Variants in FSTL5 observed in about 807,000 individuals in gnomAD.
FSTL5 encodes follistatin-related protein 5.
FSTL5 carries 62 observed loss-of-function variants against 89.1 expected under a neutral mutation model. The observed-to-expected ratio is 0.70, with a 90% confidence interval of 0.57 to 0.86. The LOEUF (loss-of-function observed/expected upper bound fraction) is 0.86, where lower values mean the gene tolerates loss of function less well. Ranked by LOEUF, FSTL5 falls within the 40% of genes least tolerant of loss-of-function variation. FSTL5 has a pLI of 0.00. For synonymous variants in FSTL5, 383 were observed against 346.2 expected (o/e 1.11, Z -1.18); for missense variants, 1,057 against 1,001.6 (o/e 1.06, Z -0.75).
At chr4:161,932,671 T>C (rs1234997870) in intron 3 of FSTL5, among the ~76,000 whole-genome samples, 1 of 151,998 alleles carries the variant, frequency 6.6e-6, no homozygotes, top group African/African-American at 2.4e-5. Flanking sequence ...ACTATATCAC[T>C]TGGCTTATTA....
intron 8 of FSTL5, among the ~76,000 whole-genome samples, chr4:161,584,178 T>C (rs1481818437): frequency 6.6e-6 from 1 of 152,188 alleles, no homozygotes; most frequent in African/African-American, 2.4e-5. Context: ...ATTCGACATG[T>C]CTTCCCCTCC....
intron 15 of FSTL5, among the ~76,000 whole-genome samples, chr4:161,423,144 G>T (rs188999406): frequency 6.6e-6 from 1 of 152,128 alleles, no homozygotes; most frequent in African/African-American, 2.4e-5. Context: ...ACAGGAAACA[G>T]ATTTCAAAGC....
intron 3 of FSTL5, among the ~76,000 whole-genome samples, chr4:161,942,952 G>T (rs1392188521): frequency 6.6e-6 from 1 of 152,146 alleles, no homozygotes; most frequent in East Asian, 1.9e-4. Flanking sequence ...AAATCAATTA[G>T]TGTTAATAAG....
At chr4:161,656,015 T>A (rs1736500813) in intron 7 of FSTL5, among the ~76,000 whole-genome samples, 1 of 152,182 alleles carries the variant, frequency 6.6e-6, no homozygotes. Flanking sequence ...GAATAAATCC[T>A]ACATGTGGAT....
At chr4:161,457,758 G>A (rs1409553335) in intron 14 of FSTL5, among the ~76,000 whole-genome samples, 2 of 151,938 alleles carry the variant, frequency 1.3e-5, no homozygotes, top group Non-Finnish European at 2.9e-5. Flanking sequence ...ATATTGACCT[G>A]TTTTATTTAT....
chr4:161,546,841 T>C (rs1401510572), intron 8 of FSTL5, among the ~76,000 whole-genome samples: 1 of 151,948 alleles, frequency 6.6e-6, no homozygotes, highest in Non-Finnish European at 1.5e-5. Context: ...TTAGTAGTGT[T>C]AAAATATCTC....
intron 15 of FSTL5, among the ~76,000 whole-genome samples, chr4:161,410,776 A>C (rs1044901151): frequency 7.2e-5 from 11 of 152,132 alleles, no homozygotes; most frequent in African/African-American, 2.7e-4. Flanking sequence ...AGAAGTTAGA[A>C]AGTTCTCAAA....
chr4:161,542,444 T>A (rs529898612), intron 9 of FSTL5, 88 bp downstream of exon 9: 1 of 874,430 alleles, frequency 1.1e-6, no homozygotes, highest in Admixed American at 3.2e-5. Flanking sequence ...AACACTCATT[T>A]TTCTTTTATT....
intron 6 of FSTL5, among the ~76,000 whole-genome samples, chr4:161,716,453 C>T (rs929635173): frequency 2.6e-5 from 4 of 151,822 alleles, no homozygotes; most frequent in South Asian, 2.1e-4. Context: ...CAAAGTGAGC[C>T]GAGTTTGGTG....
intron 12 of FSTL5, among the ~76,000 whole-genome samples, chr4:161,485,209 A>G (rs1448976384): frequency 1.3e-5 from 2 of 152,238 alleles, no homozygotes; most frequent in Non-Finnish European, 1.5e-5. Flanking sequence ...ATGTTAGTGT[A>G]CATTCTGACC....
At chr4:161,645,976 A>G (rs1209518556) in intron 7 of FSTL5, among the ~76,000 whole-genome samples, 1 of 151,772 alleles carries the variant, frequency 6.6e-6, no homozygotes, top group Non-Finnish European at 1.5e-5. Flanking sequence ...CAATAGCTGT[A>G]TTTTTAAATA....
At position 161,759,415 on chromosome 4, in the gene FSTL5, T is replaced by C; in HGVS notation, c.723A>G (p.Ala241=). 2.5e-6 allele frequency: 4 copies of C among 1,587,840 alleles called. No individual in the cohort carries two copies. Among genetic ancestry groups the C allele is most frequent in the Non-Finnish European group, 3.4e-6 (4 of 1,169,792 alleles). The change falls in exon 6 of 16, where the codon GCA becomes GCG. Residue 241 remains alanine, a synonymous_variant. Coordinates refer to ENST00000306100, the MANE Select transcript of FSTL5 (RefSeq NM_020116.5). The part of the protein sequence containing the change: ...KHLALEEFYR[A]FQVIQLSLPE... ...GAGAATGAATCTTGTACTCACGGAA[T>C]GCTCTATAAAATTCTTCAAGAGCCA...
chr4:161,530,050 C>A lies in FSTL5; in HGVS notation c.1312+8116G>T, dbSNP rs955573711. Among the ~76,000 whole-genome samples the A allele has an allele frequency of 1.4e-5, 2 of 141,474 alleles. 1 individual carries two copies. The highest frequency in any genetic ancestry group is 3.1e-5 in the Non-Finnish European group (2 of 64,944). 92.8% of individuals were successfully genotyped at this position (141,474 alleles called of 152,430 possible). On this transcript the variant is annotated intron_variant, in intron 10 of 15. Transcript: ENST00000306100. ...AAGTGATCTCATTAAATCTATGCAA[C>A]CTGCCTTTTGAAGTATTTCCTCATT...
chr4:161,624,423 G>T (rs1735243127), intron 7 of FSTL5, among the ~76,000 whole-genome samples: 1 of 151,782 alleles, frequency 6.6e-6, no homozygotes, highest in African/African-American at 2.4e-5. Context: ...ATAATTCAGG[G>T]AATAATTTGA....
intron 1 of FSTL5, among the ~76,000 whole-genome samples, chr4:162,126,833 T>C (rs1732098664): frequency 6.6e-6 from 1 of 152,176 alleles, no homozygotes; most frequent in South Asian, 2.1e-4. Context: ...TGGTTGTGGG[T>C]GTGCATGTGT....
intron 3 of FSTL5, among the ~76,000 whole-genome samples, chr4:162,032,020 G>A (rs1273997633): frequency 2.0e-5 from 3 of 152,194 alleles, no homozygotes; most frequent in South Asian, 4.1e-4. Context: ...ATAGTGAAAG[G>A]AGTGACAAGC....
At chr4:162,134,840 T>A (rs554592401) in intron 1 of FSTL5, among the ~76,000 whole-genome samples, 2 of 152,222 alleles carry the variant, frequency 1.3e-5, no homozygotes, top group Non-Finnish European at 1.5e-5. Flanking sequence ...AGGAAACTTA[T>A]ACAGTCAGCC....
chr4:161,412,824 C>CT (rs1168258798), intron 15 of FSTL5, among the ~76,000 whole-genome samples: 1 of 152,148 alleles, frequency 6.6e-6, no homozygotes, highest in Non-Finnish European at 1.5e-5. Context: ...GTGGAAAGGA[C>CT]TTGCTATTCA....
At chr4:162,131,380 G>A (rs1316149809) in intron 1 of FSTL5, among the ~76,000 whole-genome samples, 2 of 151,896 alleles carry the variant, frequency 1.3e-5, no homozygotes, top group Non-Finnish European at 2.9e-5. Flanking sequence ...ATGGATTGTG[G>A]GTATAAAAAT....
Sources: gnomAD v4.1 joint callset for allele counts (sites outside exome capture counted in the v4.1 genomes callset) on GRCh38, gnomAD v4.1.1 for gene constraint, MANE v1.5 for transcripts, NCBI Gene and HGNC (gene_info 2026-07-23, HGNC 2026-07-21) for gene names.